Variants in GRID2 observed in about 807,000 individuals in gnomAD.
The protein encoded by GRID2 is glutamate ionotropic receptor delta type subunit 2.
A neutral mutation model predicts 114.8 loss-of-function variants in GRID2; 33 were observed. That is an observed-to-expected ratio of 0.29 (90% CI 0.22 to 0.38). GRID2 has a LOEUF of 0.38. Among genes scored for constraint, GRID2 ranks in the 10% least tolerant of loss-of-function variants. The pLI is 1.00. For synonymous variants in GRID2, 505 were observed against 449.9 expected (o/e 1.12, Z -1.55); for missense variants, 1,184 against 1,257.7 (o/e 0.94, Z 0.89).
intron 13 of GRID2, among the ~76,000 whole-genome samples, chr4:93,605,622 C>T (rs1029973092): frequency 7.2e-5 from 11 of 152,038 alleles, no homozygotes; most frequent in Admixed American, 3.3e-4. Flanking sequence ...CTTGTGACCA[C>T]GAGAAAGAAA....
intron 13 of GRID2, among the ~76,000 whole-genome samples, chr4:93,617,410 C>G (rs1741788131): frequency 6.6e-6 from 1 of 152,082 alleles, no homozygotes; most frequent in Non-Finnish European, 1.5e-5. Context: ...CTGTCTTATT[C>G]CAAACTATGA....
At chr4:92,476,007 A>G (rs1043248806) in intron 1 of GRID2, among the ~76,000 whole-genome samples, 2 of 150,964 alleles carry the variant, frequency 1.3e-5, no homozygotes, top group Non-Finnish European at 2.9e-5. Context: ...CTACTGATTT[A>G]AGAAATTCAG....
At chr4:93,776,581 C>T (rs1317882067), downstream of GRID2, among the ~76,000 whole-genome samples, 3 of 152,108 alleles carry the variant, frequency 2.0e-5, no homozygotes, top group African/African-American at 4.8e-5. Context: ...ATGCAGGATA[C>T]GGAGGCCACG....
intron 2 of GRID2, among the ~76,000 whole-genome samples, chr4:92,750,264 G>A (rs1737384880): frequency 6.6e-6 from 1 of 152,136 alleles, no homozygotes; most frequent in Admixed American, 6.5e-5. Context: ...CCCAGTATCT[G>A]TTACTATCTC....
intron 2 of GRID2, among the ~76,000 whole-genome samples, chr4:92,924,264 G>C (rs1285277939): frequency 6.6e-6 from 1 of 152,088 alleles, no homozygotes; most frequent in African/African-American, 2.4e-5. Flanking sequence ...TGGGAGGAGT[G>C]GGGAGGGATA....
intron 2 of GRID2, among the ~76,000 whole-genome samples, chr4:93,003,866 T>C (rs1721247625): frequency 6.6e-6 from 1 of 151,952 alleles, no homozygotes; most frequent in Admixed American, 6.6e-5. Flanking sequence ...ACATTAAACA[T>C]CCACAGGACT....
At chr4:93,496,778 AC>A (rs1363542098) in intron 12 of GRID2, among the ~76,000 whole-genome samples, 1 of 151,866 alleles carries the variant, frequency 6.6e-6, no homozygotes, top group African/African-American at 2.4e-5. Context: ...CAATTTACTT[AC>A]TGAATGACAT....
At chr4:93,417,093 A>C (rs191462109) in intron 9 of GRID2, among the ~76,000 whole-genome samples, 1 of 152,266 alleles carries the variant, frequency 6.6e-6, no homozygotes, top group Admixed American at 6.5e-5. Flanking sequence ...TGGAAAATGA[A>C]TTTTAATGAC....
intron 3 of GRID2, among the ~76,000 whole-genome samples, chr4:93,097,898 C>A (rs910576957): frequency 6.6e-6 from 1 of 151,832 alleles, no homozygotes; most frequent in Admixed American, 6.6e-5. Context: ...AGTCGTTTAT[C>A]AATAAGTAAA....
At chr4:93,734,769 AT>A (rs1268991427) in intron 14 of GRID2, among the ~76,000 whole-genome samples, 3 of 151,962 alleles carry the variant, frequency 2.0e-5, no homozygotes, top group African/African-American at 7.2e-5. Flanking sequence ...TTTATTTAAA[AT>A]TTTTTAAGGC....
intron 1 of GRID2, among the ~76,000 whole-genome samples, chr4:92,485,786 T>G (rs952020186): frequency 5.3e-5 from 8 of 152,126 alleles, no homozygotes; most frequent in African/African-American, 1.7e-4. Flanking sequence ...ACTTTGCATA[T>G]GTCAGTGTAT....
intron 2 of GRID2, among the ~76,000 whole-genome samples, chr4:92,793,605 A>T (rs903074971): frequency 6.6e-6 from 1 of 151,860 alleles, no homozygotes; most frequent in Non-Finnish European, 1.5e-5. Context: ...AGGGCCAATC[A>T]GGCTTACTTA....
At chr4:93,662,820 GGAA>G (rs1437075542) in intron 14 of GRID2, among the ~76,000 whole-genome samples, 1 of 152,138 alleles carries the variant, frequency 6.6e-6, no homozygotes, top group Admixed American at 6.6e-5. Flanking sequence ...CCCTCATGAA[GGAA>G]GAAGAGTGCT....
At position 92,385,206 on chromosome 4, in the gene GRID2, TTATAA is replaced by T. The variant is rs146160477; in HGVS notation, c.88+80469_88+80473del. Among the ~76,000 whole-genome samples, 304 of 151,930 alleles carry T rather than the reference TTATAA, an allele frequency of 2.0e-3. 1 individual carries two copies. The highest frequency in any genetic ancestry group is 3.2e-3 in the Non-Finnish European group (216 of 67,846). ...ATGCACCTATTCAAGCTATCCTTTATTATAATATAATTTAGATATAATTCAAAATT... is the reference window on the plus strand; with the variant it reads ...ATGCACCTATTCAAGCTATCCTTTATTATAATTTAGATATAATTCAAAATT... On this transcript the variant is annotated intron_variant, in intron 1 of 15. Coordinates refer to ENST00000282020, the MANE Select transcript of GRID2 (RefSeq NM_001510.4).
intron 1 of GRID2, among the ~76,000 whole-genome samples, chr4:92,418,784 G>A (rs1477162504): frequency 2.0e-5 from 3 of 152,012 alleles, no homozygotes; most frequent in African/African-American, 7.2e-5. Context: ...TAAATGACAT[G>A]TTTAGTAGGT....
chr4:92,730,762 G>T (rs1736292620), intron 2 of GRID2, among the ~76,000 whole-genome samples: 1 of 151,900 alleles, frequency 6.6e-6, no homozygotes, highest in Admixed American at 6.6e-5. Context: ...ATAGAGATAA[G>T]CCTTGGTTTT....
chr4:93,151,185 C>CTCATATCTA (rs1201473060), intron 4 of GRID2, among the ~76,000 whole-genome samples: 1 of 151,556 alleles, frequency 6.6e-6, no homozygotes, highest in Non-Finnish European at 1.5e-5. Context: ...CTGCCTCCAG[C>CTCATATCTA]TCATATCTAT....
At chr4:93,474,536 A>G (rs1725140434) in intron 11 of GRID2, among the ~76,000 whole-genome samples, 1 of 152,134 alleles carries the variant, frequency 6.6e-6, no homozygotes, top group Non-Finnish European at 1.5e-5. Flanking sequence ...AACCTGCCCT[A>G]AATTTTTAGT....
chr4:93,051,601 C>A (rs1042808673), intron 2 of GRID2, among the ~76,000 whole-genome samples: 1 of 151,956 alleles, frequency 6.6e-6, no homozygotes, highest in Non-Finnish European at 1.5e-5. Context: ...GCTGAAGAAG[C>A]TATTGATGGG....
Sources: gnomAD v4.1 joint callset for allele counts (sites outside exome capture counted in the v4.1 genomes callset) on GRCh38, gnomAD v4.1.1 for gene constraint, MANE v1.5 for transcripts, NCBI Gene and HGNC (gene_info 2026-07-23, HGNC 2026-07-21) for gene names.